Variants in PUS7L observed in about 807,000 individuals in gnomAD.
The protein encoded by PUS7L is pseudouridine synthase 7 like.
Under a neutral mutation model 51.1 loss-of-function variants are expected in PUS7L, and 49 were observed. That is an observed-to-expected ratio of 0.96 (90% CI 0.76 to 1.22). The LOEUF is 1.22. Among genes scored for constraint, PUS7L ranks in the 50% most tolerant of loss-of-function variants. The probability of loss-of-function intolerance (pLI) is 0.00; values close to 1 mark genes in which losing one functional copy is unlikely to be tolerated. For synonymous variants in PUS7L, 277 were observed against 276.2 expected (o/e 1.00, Z -0.03); for missense variants, 828 against 820.6 (o/e 1.01, Z -0.11).
intron 4 of PUS7L, among the ~76,000 whole-genome samples, chr12:43,743,662 C>T (rs1938016977): frequency 6.6e-6 from 1 of 151,894 alleles, no homozygotes; most frequent in South Asian, 2.1e-4. Flanking sequence ...ACTCAGGAGG[C>T]TGGGGCAGGA....
intron 1 of PUS7L, among the ~76,000 whole-genome samples, chr12:43,755,781 T>C (rs1005974562): frequency 2.6e-5 from 4 of 152,194 alleles, no homozygotes; most frequent in Admixed American, 2.6e-4. Flanking sequence ...ATTTGTGATT[T>C]GATTATATTT....
chr12:43,740,148 A>G (rs1937824412), intron 5 of PUS7L, among the ~76,000 whole-genome samples: 1 of 152,206 alleles, frequency 6.6e-6, no homozygotes, highest in Non-Finnish European at 1.5e-5. Flanking sequence ...TGATTAAAAG[A>G]TGTTCCTTTT....
rs929205381 is a variant in PUS7L at position 43,727,769 on chromosome 12, G to A, written c.*2607C>T. On this transcript the variant is annotated 3_prime_UTR_variant, in exon 9 of 9. Coordinates refer to ENST00000344862, the MANE Select transcript of PUS7L (RefSeq NM_031292.5). ...ATCTGGGTGATTAAATAATTTGTATGCAGAACTCCCACAAAATGCAATTTA... is the reference window on the plus strand; with the variant it reads ...ATCTGGGTGATTAAATAATTTGTATACAGAACTCCCACAAAATGCAATTTA... 1 of 152,072 alleles carries A rather than the reference G, an allele frequency of 6.6e-6. No individual in the cohort carries two copies. The highest frequency in any genetic ancestry group is 2.4e-5 in the African/African-American group (1 of 41,414). 9.4% of individuals were successfully genotyped at this position (152,072 alleles called of 1,614,324 possible). A position where few individuals can be genotyped will look rare whatever the true frequency, so the allele number is the denominator to read the frequency against.
rs959472954 is a variant in PUS7L at position 43,755,136 on chromosome 12, A to G, written c.110T>C (p.Ile37Thr). Residue 37 changes from isoleucine to threonine, a missense_variant, in exon 2 of 9, where the codon ATT becomes ACT. Ile to Thr is a moderately conservative substitution (Grantham distance 89, BLOSUM62 -1). Transcript: ENST00000344862. Reference protein sequence around the residue: ...IKSSPSDFIVIEIDEQGQLVN... With the variant: ...IKSSPSDFIVTEIDEQGQLVN... ...TAACTGTCCCTGTTCATCAATTTCA[A>G]TAACAATAAAGTCACTTGGTGAGCT... is the stretch of plus-strand genomic sequence containing the variant. 2 of 1,613,518 alleles carry G rather than the reference A, an allele frequency of 1.2e-6. No homozygotes were observed. The highest frequency in any genetic ancestry group is 2.2e-5 in the East Asian group (1 of 44,812).
intron 5 of PUS7L, among the ~76,000 whole-genome samples, chr12:43,741,734 C>A (rs1176518895): frequency 2.6e-5 from 4 of 152,138 alleles, no homozygotes; most frequent in African/African-American, 9.7e-5. Context: ...CAGCTCTGAA[C>A]ATTATTTGAT....
chr12:43,751,196 T>TTTTA (rs1938423490), intron 2 of PUS7L, among the ~76,000 whole-genome samples: 1 of 149,968 alleles, frequency 6.7e-6, no homozygotes, highest in African/African-American at 2.4e-5. Flanking sequence ...TATTTTTAAT[T>TTTTA]TATATATATA....
rs780981738 is a variant in PUS7L, at chr12:43,726,926, G to A, written c.*3450C>T. Reference sequence around the variant, plus strand: ...AGAGTAAACTGACAATCTACAGAATGGGAGAGAATATTTTCAAAGTATGCA... The same window carrying A: ...AGAGTAAACTGACAATCTACAGAATAGGAGAGAATATTTTCAAAGTATGCA... On this transcript the variant is annotated 3_prime_UTR_variant, in exon 9 of 9. Transcript: ENST00000344862. The A allele has an allele frequency of 6.6e-6, 1 of 152,100 alleles. No homozygotes were observed. The highest frequency in any genetic ancestry group is 1.5e-5 in the Non-Finnish European group (1 of 68,014). 9.4% of individuals were successfully genotyped at this position (152,100 alleles called of 1,614,324 possible).
At position 43,745,686 on chromosome 12, in the gene PUS7L, T is replaced by A. The variant is rs1938128662; in HGVS notation, c.1263+360A>T. Among the ~76,000 whole-genome samples the A allele has an allele frequency of 2.0e-5, 3 of 152,132 alleles. No individual in the cohort carries two copies. The South Asian group carries it at 6.2e-4, about 31-fold the overall frequency. ...AATACAGTGTGTGTGATTTATAATG[T>A]GTATACATCAAAATTTCCAAACAAT... On this transcript the variant is annotated intron_variant, in intron 4 of 8. Coordinates refer to ENST00000344862, the MANE Select transcript of PUS7L (RefSeq NM_031292.5).
chr12:43,746,262 C>T (rs767542901), intron 3 of PUS7L, 24 bp from the exon 4 acceptor site: 24 of 1,042,116 alleles, frequency 2.3e-5, no homozygotes, highest in Non-Finnish European at 3.2e-5. Context: ...ATCATATAAA[C>T]TCAGTTAAAT....
In PUS7L at chr12:43,728,974, G is replaced by T; in HGVS notation, c.*1402C>A. 3.0e-6 allele frequency: 1 copy of T among 332,436 alleles called. No individual in the cohort carries two copies. The highest frequency in any genetic ancestry group is 4.3e-5 in the East Asian group (1 of 23,102). The allele number at this position is 332,436 out of a possible 1,614,324, so 20.6% of individuals were successfully genotyped here. ...GGGTTAGTTTGTCTCCAATATCTGTGCTTTTAATCACTATGCTAACATGTC... is the reference window on the plus strand; with the variant it reads ...GGGTTAGTTTGTCTCCAATATCTGTTCTTTTAATCACTATGCTAACATGTC... On this transcript the variant is annotated 3_prime_UTR_variant, in exon 9 of 9. Coordinates refer to ENST00000344862, the MANE Select transcript of PUS7L (RefSeq NM_031292.5).
rs12309260 is a variant in PUS7L at position 43,736,402 on chromosome 12, G to A, written c.1704C>T (p.Asp568=). ...TTACTTTACTATTTGGGAAATTCTC[G>A]TCATCAATGTCTTCATCCAAACAGA... ...DLVCLDEDID[D]ENFPNSKIHL... The change falls in exon 7 of 9, where the codon GAC becomes GAT. Residue 568 remains aspartate, a synonymous_variant. Coordinates refer to ENST00000344862, the MANE Select transcript of PUS7L (RefSeq NM_031292.5). The A allele has an allele frequency of 2.5e-3, 4,055 of 1,613,628 alleles. 93 individuals carry two copies. The African/African-American group carries it at 0.047, about 19-fold the overall frequency.
chr12:43,738,919 A>G, intron 5 of PUS7L: 1 of 206,948 alleles, frequency 4.8e-6, no homozygotes, highest in Non-Finnish European at 1.0e-5. Context: ...AAAAATAAAT[A>G]TTAAATAGTT....
At chr12:43,758,620 G>T in intron 1 of PUS7L, 110 bp downstream of exon 1, 1 of 976,528 alleles carries the variant, frequency 1.0e-6, no homozygotes, top group Non-Finnish European at 1.2e-6. Context: ...TTCTTTGGGC[G>T]CAAAGGGTAT....
In PUS7L at chr12:43,726,567, C is replaced by T. The variant is rs1944457703; in HGVS notation, c.*3809G>A. The T allele has an allele frequency of 1.3e-5, 2 of 152,232 alleles. No individual in the cohort carries two copies. Among genetic ancestry groups the T allele is most frequent in the African/African-American group, 4.8e-5 (2 of 41,430 alleles). The allele number at this position is 152,232 out of a possible 1,614,324, so 9.4% of individuals were successfully genotyped here. ...TGAAGGCTGGGCATGGTGGCTCATG[C>T]CTGTAATCCTAGCACTTTCTGAGGC... On this transcript the variant is annotated 3_prime_UTR_variant, in exon 9 of 9. Transcript: ENST00000344862.
intron 2 of PUS7L, among the ~76,000 whole-genome samples, chr12:43,751,090 G>A (rs1307713272): frequency 1.3e-5 from 2 of 152,086 alleles, no homozygotes; most frequent in African/African-American, 4.8e-5. Flanking sequence ...CTGTGGATCA[G>A]GACTTCAAGA....
intron 1 of PUS7L, 148 bp downstream of exon 1, chr12:43,758,582 A>G (rs1733585166): frequency 1.0e-6 from 1 of 983,400 alleles, no homozygotes; most frequent in Non-Finnish European, 1.2e-6. Flanking sequence ...CTGCCTGTCC[A>G]AAGGCACGAC....
At position 43,723,838 on chromosome 12, in the gene PUS7L, C is replaced by T. The variant is rs1944424345; in HGVS notation, c.*6538G>A. ...AAAATCTATTAACACAGGCCCTAAACTTTAAACTAGTTATCCTAGCTGCCA... is the reference window on the plus strand; with the variant it reads ...AAAATCTATTAACACAGGCCCTAAATTTTAAACTAGTTATCCTAGCTGCCA... On this transcript the variant is annotated 3_prime_UTR_variant, in exon 9 of 9. Transcript: ENST00000344862. The T allele has an allele frequency of 6.6e-6, 1 of 151,980 alleles. No individual in the cohort carries two copies. The highest frequency in any genetic ancestry group is 2.4e-5 in the African/African-American group (1 of 41,388). 9.4% of individuals were successfully genotyped at this position (151,980 alleles called of 1,614,324 possible).
chr12:43,754,528 CTTTG>C lies in PUS7L; in HGVS notation c.714_717del (p.Asn238LysfsTer27), dbSNP rs780133979. 6 of 1,612,836 alleles carry C rather than the reference CTTTG, an allele frequency of 3.7e-6. No individual in the cohort carries two copies. The highest frequency in any genetic ancestry group is 3.4e-6 in the Non-Finnish European group (4 of 1,179,556). ...AAATGGTGGACAGCTTTTCTGTGGT[CTTTG>C]TTTGTATCAGGTTTAAAGGTAAATT... On this transcript the variant is annotated frameshift_variant, in exon 2 of 9. Coordinates refer to ENST00000344862, the MANE Select transcript of PUS7L (RefSeq NM_031292.5). LOFTEE classifies it high-confidence loss of function.
Position 43,736,597 on chromosome 12 carries a change from C to T in PUS7L, c.1509G>A (p.Glu503=). 1 of 1,614,054 alleles carries T rather than the reference C, an allele frequency of 6.2e-7. No homozygotes were observed. The highest frequency in any genetic ancestry group is 8.5e-7 in the Non-Finnish European group (1 of 1,180,016). The part of the protein sequence containing the change: ...EFKVRERALL[E]ALHRFGMTEE... ...CGGTCATGCCAAAGCGGTGCAATGC[C>T]TCCAACAATGCTCTCTCACGCACTT... Residue 503 remains glutamate (E), a synonymous_variant, in exon 7 of 9, where the codon GAG becomes GAA. Transcript: ENST00000344862.
Sources: allele counts gnomAD v4.1 joint callset (sites outside exome capture counted in the v4.1 genomes callset), GRCh38; gene constraint gnomAD v4.1.1; transcripts MANE v1.5; gene names NCBI Gene and HGNC (gene_info 2026-07-23, HGNC 2026-07-21).